GPR39: variants seen among roughly 807,000 people sequenced by gnomAD.
GPR39 encodes zinc sensing receptor.
Under a neutral mutation model 18.4 loss-of-function variants are expected in GPR39, and 23 were observed. The ratio of observed to expected loss-of-function variants is 1.25; its 90% CI spans 0.90 to 1.77. GPR39 has a LOEUF of 1.77. GPR39 is among the 40% of genes most tolerant of loss of function. GPR39 has a pLI of 0.00. For synonymous variants in GPR39, 280 were observed against 257.9 expected (o/e 1.09, Z -0.82); for missense variants, 647 against 602.4 (o/e 1.07, Z -0.78).
chr2:132,642,451 C>T (rs1681873643), intron 1 of GPR39, among the ~76,000 whole-genome samples: 1 of 152,176 alleles, frequency 6.6e-6, no homozygotes. Context: ...TACCTGGAGG[C>T]TGGGTCTTGC....
intron 1 of GPR39, among the ~76,000 whole-genome samples, chr2:132,640,257 G>T (rs1294826941): frequency 6.6e-6 from 1 of 152,184 alleles, no homozygotes; most frequent in African/African-American, 2.4e-5. Flanking sequence ...AACCAAGCAG[G>T]CTGCCTCTAA....
At chr2:132,642,379 A>G (rs540968429) in intron 1 of GPR39, among the ~76,000 whole-genome samples, 20 of 152,316 alleles carry the variant, frequency 1.3e-4, no homozygotes, top group African/African-American at 4.8e-4. Flanking sequence ...ACTTCAGAGC[A>G]GGAATTTTAT....
chr2:132,504,061 T>C (rs1679094400), intron 1 of GPR39, among the ~76,000 whole-genome samples: 1 of 152,178 alleles, frequency 6.6e-6, no homozygotes, highest in African/African-American at 2.4e-5. Context: ...GTTTTTGGCA[T>C]CTCAGGGAGC....
At chr2:132,534,231 T>G (rs1573652009) in intron 1 of GPR39, among the ~76,000 whole-genome samples, 2 of 152,060 alleles carry the variant, frequency 1.3e-5, no homozygotes, top group East Asian at 3.9e-4. Context: ...AAAAAACACA[T>G]GAAAAAATGT....
At chr2:132,463,680 G>A (rs1680873403) in intron 1 of GPR39, among the ~76,000 whole-genome samples, 1 of 152,118 alleles carries the variant, frequency 6.6e-6, no homozygotes, top group Non-Finnish European at 1.5e-5. Context: ...AGGAAAACAA[G>A]CCCCAGTGTT....
chr2:132,602,415 C>T (rs1057353699), intron 1 of GPR39, among the ~76,000 whole-genome samples: 3 of 152,096 alleles, frequency 2.0e-5, no homozygotes, highest in South Asian at 4.2e-4. Context: ...TAAATAAATG[C>T]AAGACCTGAA....
At chr2:132,583,202 C>T (rs985793504) in intron 1 of GPR39, among the ~76,000 whole-genome samples, 2 of 152,048 alleles carry the variant, frequency 1.3e-5, no homozygotes, top group African/African-American at 4.8e-5. Flanking sequence ...CTTGAGCCAC[C>T]TCACAAGTAG....
chr2:132,501,715 T>A (rs1679040861), intron 1 of GPR39, among the ~76,000 whole-genome samples: 1 of 152,200 alleles, frequency 6.6e-6, no homozygotes. Flanking sequence ...TCTATCTCAT[T>A]TCTTAGGTCC....
chr2:132,571,805 C>T (rs766990359), intron 1 of GPR39, among the ~76,000 whole-genome samples: 2 of 152,252 alleles, frequency 1.3e-5, no homozygotes, highest in East Asian at 1.9e-4. Context: ...ACACAGCATT[C>T]GATGCAAGGC....
In GPR39 at chr2:132,645,752, C is replaced by T. The variant is rs559125511; in HGVS notation, c.*146C>T. 10 of 1,137,606 alleles carry T rather than the reference C, an allele frequency of 8.8e-6. No individual in the cohort carries two copies. The highest frequency in any genetic ancestry group is 1.2e-5 in the Non-Finnish European group (10 of 821,542). The allele number at this position is 1,137,606 out of a possible 1,614,324, so 70.5% of individuals were successfully genotyped here. A position where few individuals can be genotyped will look rare whatever the true frequency, so the allele number is the denominator to read the frequency against. On this transcript the variant is annotated 3_prime_UTR_variant, in exon 2 of 2. Coordinates refer to ENST00000329321, the MANE Select transcript of GPR39 (RefSeq NM_001508.3). ...AAAAGGCAGATGCCCACCTCAGTGA[C>T]TTCTAAGGACTGACTCTGCCAGCCT... is the stretch of plus-strand genomic sequence containing the variant.
intron 1 of GPR39, among the ~76,000 whole-genome samples, chr2:132,514,563 C>T (rs2104761487): frequency 6.6e-6 from 1 of 152,314 alleles, no homozygotes; most frequent in Middle Eastern, 3.4e-3. Flanking sequence ...CCCTCTGCCA[C>T]TTACAGTCCC....
intron 1 of GPR39, among the ~76,000 whole-genome samples, chr2:132,444,657 G>A (rs1234897126): frequency 6.6e-6 from 1 of 152,192 alleles, no homozygotes; most frequent in Non-Finnish European, 1.5e-5. Context: ...GTCTGGCAGT[G>A]TTTGGCCGCT....
At chr2:132,486,858 C>G (rs549579125) in intron 1 of GPR39, among the ~76,000 whole-genome samples, 193 of 152,330 alleles carry the variant, frequency 1.3e-3, no homozygotes, top group African/African-American at 4.3e-3. Flanking sequence ...AAGAACGTTT[C>G]CTTTGCATTC....
intron 1 of GPR39, among the ~76,000 whole-genome samples, chr2:132,586,392 G>A (rs1208905684): frequency 1.3e-5 from 2 of 152,160 alleles, no homozygotes; most frequent in Non-Finnish European, 2.9e-5. Context: ...TCTGAGTTTG[G>A]AAAGGCAAGG....
intron 1 of GPR39, among the ~76,000 whole-genome samples, chr2:132,592,200 A>G (rs1680858136): frequency 6.6e-6 from 1 of 152,224 alleles, no homozygotes; most frequent in Non-Finnish European, 1.5e-5. Flanking sequence ...AGCATCCCAA[A>G]TGGCAATCAG....
At chr2:132,456,865 C>A (rs1680737788) in intron 1 of GPR39, among the ~76,000 whole-genome samples, 1 of 152,242 alleles carries the variant, frequency 6.6e-6, no homozygotes, top group South Asian at 2.1e-4. Flanking sequence ...GTCTGATGGG[C>A]TTCCCTTTGT....
chr2:132,487,396 C>T (rs536675287), intron 1 of GPR39, among the ~76,000 whole-genome samples: 2 of 152,222 alleles, frequency 1.3e-5, no homozygotes, highest in East Asian at 3.9e-4. Context: ...GCAGTGTTGC[C>T]ACATGTCTTC....
Position 132,628,569 on chromosome 2 carries a change from C to A in GPR39, c.857-16532C>A, listed in dbSNP as rs1334734134. Among the ~76,000 whole-genome samples the A allele has an allele frequency of 2.0e-5, 3 of 152,324 alleles. No homozygotes were observed. In the South Asian group the frequency reaches 6.2e-4, roughly 32 times the overall value. On this transcript the variant is annotated intron_variant, in intron 1 of 1. Transcript: ENST00000329321. ...TAGAGCGACCTGAAACTACTCTATTCTATCTATGCACATCTTTCTGGGAAA... is the reference window on the plus strand; with the variant it reads ...TAGAGCGACCTGAAACTACTCTATTATATCTATGCACATCTTTCTGGGAAA...
At chr2:132,502,027 A>G (rs1294708718) in intron 1 of GPR39, among the ~76,000 whole-genome samples, 1 of 152,186 alleles carries the variant, frequency 6.6e-6, no homozygotes, top group African/African-American at 2.4e-5. Context: ...ATTCTTATTC[A>G]TTCTGCCATC....
Sources: gnomAD v4.1 joint callset for allele counts (sites outside exome capture counted in the v4.1 genomes callset) on GRCh38, gnomAD v4.1.1 for gene constraint, MANE v1.5 for transcripts, NCBI Gene and HGNC (gene_info 2026-07-23, HGNC 2026-07-21) for gene names.